The following BDH1 variants were observed in gnomAD, a reference collection of about 807,000 sequenced individuals.
BDH1 encodes the protein 3-hydroxybutyrate dehydrogenase 1.
In BDH1, 30 loss-of-function variants were observed where a neutral mutation model predicts 33.1. That is an observed-to-expected ratio of 0.91 (90% confidence interval 0.68 to 1.23). BDH1 has a LOEUF of 1.23. Ranked by LOEUF, BDH1 falls within the 50% of genes most tolerant of loss-of-function variation. The probability of loss-of-function intolerance (pLI) is 0.00; values close to 1 mark genes in which losing one functional copy is unlikely to be tolerated. For synonymous variants in BDH1, 190 were observed against 183.6 expected, an observed-to-expected ratio of 1.03 and a Z score of -0.28; for missense variants, 443 against 464.4, an observed-to-expected ratio of 0.95 and a Z score of 0.42.
At chr3:197,532,216 A>C (rs1714727387) in intron 5 of BDH1, among the ~76,000 whole-genome samples, 196 bp downstream of exon 5, 1 of 152,130 alleles carries the variant, frequency 6.6e-6, no homozygotes, top group African/African-American at 2.4e-5. Flanking sequence ...GATAGATGAG[A>C]GGATGGATGG....
chr3:197,568,015 C>A (rs1717490055), intron 1 of BDH1, among the ~76,000 whole-genome samples: 1 of 152,186 alleles, frequency 6.6e-6, no homozygotes, highest in African/African-American at 2.4e-5. Flanking sequence ...TGAATTTAAT[C>A]ATTCCCAGCC....
chr3:197,545,507 G>A (rs13073953), intron 3 of BDH1, among the ~76,000 whole-genome samples: 2 of 152,072 alleles, frequency 1.3e-5, no homozygotes, highest in Non-Finnish European at 2.9e-5. Flanking sequence ...CATAACCAGC[G>A]AGAGTGTCAA....
At position 197,511,645 on chromosome 3, in the gene BDH1, G is replaced by C. The variant is rs1289256007; in HGVS notation, c.*250C>G. 4.6e-6 allele frequency: 2 copies of C among 437,138 alleles called. No individual in the cohort carries two copies. Among genetic ancestry groups the C allele is most frequent in the Admixed American group, 7.7e-5 (2 of 25,952 alleles). The allele number at this position is 437,138 out of a possible 1,614,324, so 27.1% of individuals were successfully genotyped here. On this transcript the variant is annotated 3_prime_UTR_variant, in exon 8 of 8. Transcript: ENST00000392379. ...AAATCTCTGTATGAAATTATCTCCGGAGAGATAGATTCACCATGTTTGCCC... is the reference window on the plus strand; with the variant it reads ...AAATCTCTGTATGAAATTATCTCCGCAGAGATAGATTCACCATGTTTGCCC...
Position 197,522,686 on chromosome 3 carries a change from C to T in BDH1, c.363G>A (p.Glu121=), listed in dbSNP as rs1713682653. 1 of 1,614,226 alleles carries T rather than the reference C, an allele frequency of 6.2e-7. No homozygotes were observed. ...QLNVCSSEEV[E]KVVEIVRSSL... Reference sequence around the variant, plus strand: ...TCGAGCGGACAATCTCCACCACTTTCTCCACCTCTTCGCTGCTGCAGACAT... The same window carrying T: ...TCGAGCGGACAATCTCCACCACTTTTTCCACCTCTTCGCTGCTGCAGACAT... Residue 121 remains glutamate (E), a synonymous_variant, in exon 6 of 8, where the codon GAG becomes GAA. Transcript: ENST00000392379. The surrounding 1 kb of genome is among the most constrained non-coding windows in gnomAD (Gnocchi z 4.8).
intron 2 of BDH1, among the ~76,000 whole-genome samples, chr3:197,548,732 T>G (rs1716300020): frequency 6.6e-6 from 1 of 152,028 alleles, no homozygotes; most frequent in Admixed American, 6.6e-5. Flanking sequence ...GCGCCCACAG[T>G]CCCAGCTACT....
At chr3:197,547,716 C>A (rs913977558) in intron 2 of BDH1, among the ~76,000 whole-genome samples, 10 of 152,256 alleles carry the variant, frequency 6.6e-5, no homozygotes, top group Admixed American at 3.9e-4. Flanking sequence ...CCCGTGGGGG[C>A]TGGCCTCTCC....
Position 197,516,700 on chromosome 3 carries a change from C to G in BDH1, c.410-2284G>C, listed in dbSNP as rs1056626887. On this transcript the variant is annotated intron_variant, in intron 6 of 7. Transcript: ENST00000392379. This position sits in a 1 kb window ranked among gnomAD's most constrained non-coding sequence, Gnocchi z 4.2. ...CAACACGTCAAGTTTCCAAGCTGCC[C>G]AAGCCTGCTCCTCCTCTTTGTTAAT... 1.3e-5 allele frequency among the ~76,000 whole-genome samples: 2 copies of G among 152,038 alleles called. No homozygotes were observed. The highest frequency in any genetic ancestry group is 4.8e-5 in the African/African-American group (2 of 41,370).
intron 7 of BDH1, 123 bp from the exon 8 acceptor site, chr3:197,512,487 G>T (rs2108696853): frequency 9.4e-7 from 1 of 1,061,086 alleles, no homozygotes; most frequent in Non-Finnish European, 1.3e-6. Flanking sequence ...AGCCTTCTCA[G>T]TCAATAGGCA....
At chr3:197,545,453 C>T (rs569771265) in intron 3 of BDH1, among the ~76,000 whole-genome samples, 72 of 152,376 alleles carry the variant, frequency 4.7e-4, no homozygotes, top group Middle Eastern at 3.4e-3. Context: ...TTCACTGCCG[C>T]AGGCGTCTTG....
intron 3 of BDH1, among the ~76,000 whole-genome samples, chr3:197,544,369 C>G (rs1376059807): frequency 6.6e-6 from 1 of 152,196 alleles, no homozygotes; most frequent in Non-Finnish European, 1.5e-5. Flanking sequence ...CTCAAGTGAG[C>G]CAGGAGCTTG....
At position 197,546,344 on chromosome 3, in the gene BDH1, C is replaced by T. The variant is rs758464306; in HGVS notation, c.83+17G>A. ...GAAAGTGTCCCCTCAAGGCCACCACCACCTCTGGTTGCTTACCTTGCTCCA... is the reference window on the plus strand; with the variant it reads ...GAAAGTGTCCCCTCAAGGCCACCACTACCTCTGGTTGCTTACCTTGCTCCA... On this transcript the variant is annotated intron_variant, in intron 3 of 7. Transcript: ENST00000392379. The T allele has an allele frequency of 4.3e-6, 7 of 1,613,792 alleles. No homozygotes were observed. In the African/African-American group the frequency reaches 9.3e-5, roughly 22 times the overall value.
At chr3:197,555,410 G>A (rs1465779983) in intron 1 of BDH1, 1 of 152,370 alleles carries the variant, frequency 6.6e-6, no homozygotes, top group East Asian at 1.9e-4. Context: ...CCTTCGTGGG[G>A]CCTGGGTCCC....
At chr3:197,540,644 G>A (rs953219797) in intron 3 of BDH1, among the ~76,000 whole-genome samples, 5 of 152,142 alleles carry the variant, frequency 3.3e-5, no homozygotes, top group African/African-American at 7.2e-5. Flanking sequence ...ACTCCAGCCT[G>A]GGCGAGAGTG....
At chr3:197,544,877 T>C (rs1226586357) in intron 3 of BDH1, among the ~76,000 whole-genome samples, 1 of 152,162 alleles carries the variant, frequency 6.6e-6, no homozygotes, top group Non-Finnish European at 1.5e-5. Flanking sequence ...CAAAACCCCA[T>C]CTCTACTAAA....
At chr3:197,560,606 C>A (rs114213978), upstream of BDH1, among the ~76,000 whole-genome samples, 5,630 of 152,220 alleles carry the variant, frequency 0.037, 328 homozygotes, top group African/African-American at 0.12. Context: ...GGTGAGTGTA[C>A]CCTTTCTGTA....
chr3:197,572,168 G>A (rs1717629261), intron 1 of BDH1, among the ~76,000 whole-genome samples: 1 of 152,032 alleles, frequency 6.6e-6, no homozygotes, highest in Middle Eastern at 3.2e-3. Context: ...GTTTTATTGT[G>A]GATCTTAAGG....
At chr3:197,547,109 C>T (rs1716148814) in intron 2 of BDH1, among the ~76,000 whole-genome samples, 1 of 152,012 alleles carries the variant, frequency 6.6e-6, no homozygotes, top group Admixed American at 6.6e-5. Context: ...TTAACACACA[C>T]ACACACACCC....
At chr3:197,519,986 C>T (rs1335354648) in intron 6 of BDH1, among the ~76,000 whole-genome samples, 1 of 152,136 alleles carries the variant, frequency 6.6e-6, no homozygotes, top group Non-Finnish European at 1.5e-5. Flanking sequence ...ATGTGCCCCC[C>T]CGGTGGAGAA....
intron 6 of BDH1, chr3:197,515,326 C>T (rs1712581632): frequency 1.0e-6 from 1 of 985,594 alleles, no homozygotes. Flanking sequence ...CCACCAAAGC[C>T]TTGCGGGTGT....
Sources: gnomAD v4.1 joint callset for allele counts (sites outside exome capture counted in the v4.1 genomes callset) on GRCh38, gnomAD v4.1.1 for gene constraint, Gnocchi (gnomAD v3.1) non-coding constraint, MANE v1.5 for transcripts, NCBI Gene and HGNC (gene_info 2026-07-23, HGNC 2026-07-21) for gene names.